PALMD: variants seen among roughly 807,000 people sequenced by gnomAD.
The protein encoded by PALMD is paralemmin-like protein.
Under a neutral mutation model 56.2 loss-of-function variants are expected in PALMD, and 42 were observed. The ratio of observed to expected loss-of-function variants is 0.75; its 90% CI spans 0.58 to 0.97. PALMD has a LOEUF of 0.97. Ranked by LOEUF, PALMD falls within the 50% of genes least tolerant of loss-of-function variation. The pLI is 0.00. For synonymous variants in PALMD, 242 were observed against 222.9 expected (o/e 1.09, Z -0.76); for missense variants, 660 against 643.8 (o/e 1.03, Z -0.27).
At chr1:99,671,643 G>A (rs1653089356) in intron 3 of PALMD, among the ~76,000 whole-genome samples, 1 of 152,146 alleles carries the variant, frequency 6.6e-6, no homozygotes, top group South Asian at 2.1e-4. Flanking sequence ...AACCAATGAG[G>A]ATTCTTTCCA....
At chr1:99,682,596 T>A (rs1162898699) in intron 3 of PALMD, among the ~76,000 whole-genome samples, 1 of 152,110 alleles carries the variant, frequency 6.6e-6, no homozygotes, top group African/African-American at 2.4e-5. Flanking sequence ...CACGGCTTTA[T>A]CTTCAGAGAG....
intron 1 of PALMD, among the ~76,000 whole-genome samples, chr1:99,662,097 C>G (rs1652860576): frequency 6.6e-6 from 1 of 152,102 alleles, no homozygotes; most frequent in African/African-American, 2.4e-5. Context: ...GATGTTTAAG[C>G]CCTCTTTGAA....
intron 1 of PALMD, among the ~76,000 whole-genome samples, chr1:99,651,574 C>A (rs1456936165): frequency 6.6e-6 from 1 of 152,180 alleles, no homozygotes; most frequent in African/African-American, 2.4e-5. Flanking sequence ...AATCTGCAGT[C>A]TCTAACTACC....
In PALMD at chr1:99,688,481, C is replaced by T. The variant is rs367879977; in HGVS notation, c.515-294C>T. 1.3e-4 allele frequency among the ~76,000 whole-genome samples: 20 copies of T among 152,104 alleles called. 1 individual carries two copies. Among genetic ancestry groups the T allele is most frequent in the African/African-American group, 4.8e-4 (20 of 41,508 alleles). ...GGAAAGAGGATATCTTTTTCGGTTC[C>T]CCATTGAAATTCTTTCCTATTTGGA... On this transcript the variant is annotated intron_variant, in intron 6 of 7. Coordinates refer to ENST00000263174, the MANE Select transcript of PALMD (RefSeq NM_017734.5).
chr1:99,692,927 C>G (rs1571078969), intron 7 of PALMD, among the ~76,000 whole-genome samples: 1 of 152,206 alleles, frequency 6.6e-6, no homozygotes, highest in Non-Finnish European at 1.5e-5. Context: ...TAGAACTGAT[C>G]ATCCCTGTTA....
intron 1 of PALMD, among the ~76,000 whole-genome samples, chr1:99,652,724 A>G (rs937126607): frequency 1.0e-5 from 1 of 95,584 alleles, no homozygotes. Flanking sequence ...AGAAAAGAAA[A>G]GAAAAGAAAA....
intron 3 of PALMD, among the ~76,000 whole-genome samples, chr1:99,681,732 C>A (rs933343582): frequency 4.6e-5 from 7 of 152,120 alleles, no homozygotes; most frequent in Non-Finnish European, 5.9e-5. Context: ...ACATTCAGCA[C>A]CATCCCTGGC....
intron 3 of PALMD, among the ~76,000 whole-genome samples, chr1:99,680,253 T>G (rs770956712): frequency 1.3e-5 from 2 of 152,186 alleles, no homozygotes; most frequent in Non-Finnish European, 2.9e-5. Flanking sequence ...GGAGACATTA[T>G]CTCGTGATGA....
intron 3 of PALMD, among the ~76,000 whole-genome samples, chr1:99,681,670 C>A (rs139897390): frequency 3.9e-5 from 6 of 152,300 alleles, no homozygotes; most frequent in African/African-American, 1.4e-4. Flanking sequence ...ACTATTGACA[C>A]TTTGGGCTAA....
At chr1:99,664,474 C>T (rs1054392925) in intron 2 of PALMD, among the ~76,000 whole-genome samples, 1 of 152,082 alleles carries the variant, frequency 6.6e-6, no homozygotes, top group African/African-American at 2.4e-5. Flanking sequence ...GGCCTGCGTC[C>T]TTAAGATGGT....
At chr1:99,652,210 A>C (rs2100853207) in intron 1 of PALMD, among the ~76,000 whole-genome samples, 1 of 152,340 alleles carries the variant, frequency 6.6e-6, no homozygotes, top group South Asian at 2.1e-4. Context: ...AAATGTCGGA[A>C]CTTGAATCTA....
At chr1:99,681,795 G>A (rs1395788577) in intron 3 of PALMD, among the ~76,000 whole-genome samples, 1 of 152,142 alleles carries the variant, frequency 6.6e-6, no homozygotes. Flanking sequence ...GTTATGAGAA[G>A]CAAAACTGTC....
chr1:99,671,315 G>A (rs114652124), intron 3 of PALMD, among the ~76,000 whole-genome samples: 1,602 of 152,202 alleles, frequency 0.011, 30 homozygotes, highest in African/African-American at 0.037. Context: ...CTGAAATAGC[G>A]TTGCCTCTGG....
At chr1:99,679,206 A>G (rs1190944101) in intron 3 of PALMD, among the ~76,000 whole-genome samples, 1 of 152,178 alleles carries the variant, frequency 6.6e-6, no homozygotes, top group East Asian at 1.9e-4. Context: ...AAGTATAGAT[A>G]AGAGCCAGTC....
At position 99,688,511 on chromosome 1, in the gene PALMD, T is replaced by C. The variant is rs139477440; in HGVS notation, c.515-264T>C. ...TGAAATTCTTTCCTATTTGGAACCA[T>C]CAGCTTATCTTCTCTAATCAACTTC... On this transcript the variant is annotated intron_variant, in intron 6 of 7. Transcript: ENST00000263174. 2.0e-3 allele frequency among the ~76,000 whole-genome samples: 300 copies of C among 152,276 alleles called. 2 individuals carry two copies. The highest frequency in any genetic ancestry group is 6.8e-3 in the African/African-American group (283 of 41,564).
intron 7 of PALMD, among the ~76,000 whole-genome samples, chr1:99,691,964 G>A (rs1006928150): frequency 6.6e-6 from 1 of 152,152 alleles, no homozygotes; most frequent in African/African-American, 2.4e-5. Flanking sequence ...AGATTCAAAA[G>A]ACAAGATTTT....
chr1:99,666,754 T>G (rs1652970606), intron 2 of PALMD, among the ~76,000 whole-genome samples: 1 of 152,184 alleles, frequency 6.6e-6, no homozygotes, highest in South Asian at 2.1e-4. Context: ...ACCATACATC[T>G]GATGCTTCCC....
chr1:99,680,918 T>G (rs1653326630), intron 3 of PALMD, among the ~76,000 whole-genome samples: 1 of 151,972 alleles, frequency 6.6e-6, no homozygotes, highest in Admixed American at 6.6e-5. Flanking sequence ...TGCTGTCCTT[T>G]TTTCCAAGAC....
chr1:99,651,534 T>C (rs547616357), intron 1 of PALMD, among the ~76,000 whole-genome samples: 20 of 152,318 alleles, frequency 1.3e-4, no homozygotes, highest in African/African-American at 4.8e-4. Context: ...ACAGTTCAAT[T>C]CTAAAACTGC....
Sources: allele counts gnomAD v4.1 joint callset (sites outside exome capture counted in the v4.1 genomes callset), GRCh38; gene constraint gnomAD v4.1.1; transcripts MANE v1.5; gene names NCBI Gene and HGNC (gene_info 2026-07-23, HGNC 2026-07-21).